The following CA13 variants were observed in gnomAD, a reference collection of about 807,000 sequenced individuals.
The protein encoded by CA13 is CA-XIII.
CA13 carries 21 observed loss-of-function variants against 31.5 expected under a neutral mutation model. The ratio of observed to expected loss-of-function variants is 0.67; its 90% confidence interval spans 0.47 to 0.96. The LOEUF is 0.96. CA13 is among the 40% of genes least tolerant of loss of function. CA13 has a pLI of 0.00. For missense variants in CA13, 315 were observed against 318.9 expected (o/e 0.99, Z 0.09); for synonymous variants, 117 against 111.4 (o/e 1.05, Z -0.32).
chr8:85,282,761 C>T lies in CA13; in HGVS notation c.*1412C>T, dbSNP rs1289546539. 1 of 151,948 alleles carries T rather than the reference C, an allele frequency of 6.6e-6. No individual in the cohort carries two copies. Among genetic ancestry groups the T allele is most frequent in the Non-Finnish European group, 1.5e-5 (1 of 67,996 alleles). The allele number at this position is 151,948 out of a possible 1,614,324, so 9.4% of individuals were successfully genotyped here. On this transcript the variant is annotated 3_prime_UTR_variant, in exon 7 of 7. Transcript: ENST00000321764. ...GGATAAGAGTGGTGTTTCTTTTGCCCTTTCTGGTACAAACAGAGGGACACT... is the reference window on the plus strand; with the variant it reads ...GGATAAGAGTGGTGTTTCTTTTGCCTTTTCTGGTACAAACAGAGGGACACT...
At chr8:85,261,437 T>A (rs528698232) in intron 3 of CA13, among the ~76,000 whole-genome samples, 35 of 152,308 alleles carry the variant, frequency 2.3e-4, no homozygotes, top group Admixed American at 7.2e-4. Context: ...TTATTTATTT[T>A]TTTTTTGAGA....
chr8:85,270,838 G>T (rs1269043884), intron 6 of CA13, among the ~76,000 whole-genome samples: 1 of 152,102 alleles, frequency 6.6e-6, no homozygotes, highest in Non-Finnish European at 1.5e-5. Flanking sequence ...ATATCTACCT[G>T]CAAGTTTAGG....
intron 6 of CA13, among the ~76,000 whole-genome samples, chr8:85,276,795 G>T (rs112206933): frequency 6.8e-6 from 1 of 147,972 alleles, no homozygotes; most frequent in African/African-American, 2.7e-5. Flanking sequence ...TGCACCAGTC[G>T]ACACTCTGTA....
At position 85,281,364 on chromosome 8, in the gene CA13, G is replaced by A; in HGVS notation, c.*15G>A. On this transcript the variant is annotated 3_prime_UTR_variant, in exon 7 of 7. Transcript: ENST00000321764. The stretch of plus-strand genomic sequence containing the variant: ...CTTTCCATTAAAAATTGTCACCAAT[G>A]AACTCCCCCAAACATGGCTGTGGAG... 1 of 1,613,192 alleles carries A rather than the reference G, an allele frequency of 6.2e-7. No individual in the cohort carries two copies. Among genetic ancestry groups the A allele is most frequent in the Non-Finnish European group, 8.5e-7 (1 of 1,179,512 alleles).
chr8:85,265,680 A>G (rs1290726801), intron 3 of CA13, among the ~76,000 whole-genome samples: 1 of 152,240 alleles, frequency 6.6e-6, no homozygotes, highest in Non-Finnish European at 1.5e-5. Context: ...AAATGTATCA[A>G]AATGATAAGC....
At chr8:85,247,279 T>C (rs1813749212) in intron 1 of CA13, among the ~76,000 whole-genome samples, 2 of 152,140 alleles carry the variant, frequency 1.3e-5, no homozygotes, top group South Asian at 2.1e-4. Context: ...AGAAGAAGGG[T>C]ATTTCAATCA....
At chr8:85,261,375 T>A (rs1043702664) in intron 3 of CA13, among the ~76,000 whole-genome samples, 1 of 152,140 alleles carries the variant, frequency 6.6e-6, no homozygotes, top group African/African-American at 2.4e-5. Flanking sequence ...TTGGAATTTT[T>A]AAGTATATTT....
At chr8:85,246,001 C>CACT in intron 1 of CA13, 136 bp downstream of exon 1, 1 of 952,404 alleles carries the variant, frequency 1.0e-6, no homozygotes, top group Non-Finnish European at 1.7e-6. Flanking sequence ...AACTAAGCAG[C>CACT]ACTCCTGGGA....
intron 2 of CA13, among the ~76,000 whole-genome samples, chr8:85,257,395 C>T (rs1465349921): frequency 5.3e-5 from 8 of 152,164 alleles, no homozygotes; most frequent in Admixed American, 5.2e-4. Context: ...AGGAAAATGG[C>T]CAGGGTTAGC....
In CA13 at chr8:85,283,443, T is replaced by C. The variant is rs553301472; in HGVS notation, c.*2094T>C. Reference sequence around the variant, plus strand: ...TTAATGAATTGAATATTTAAAAAATTTTTTATTTGCTGTCTTTGGTAATTA... The same window carrying C: ...TTAATGAATTGAATATTTAAAAAATCTTTTATTTGCTGTCTTTGGTAATTA... On this transcript the variant is annotated 3_prime_UTR_variant, in exon 7 of 7. Coordinates refer to ENST00000321764, the MANE Select transcript of CA13 (RefSeq NM_198584.3). 1.4e-4 allele frequency: 21 copies of C among 152,572 alleles called. No homozygotes were observed. In the South Asian group the frequency reaches 4.4e-3, roughly 32 times the overall value. The allele number at this position is 152,572 out of a possible 1,614,324, so 9.5% of individuals were successfully genotyped here.
intron 6 of CA13, among the ~76,000 whole-genome samples, chr8:85,275,715 A>C (rs1807592574): frequency 6.6e-6 from 1 of 152,200 alleles, no homozygotes; most frequent in Admixed American, 6.5e-5. Flanking sequence ...CTTTTGGACA[A>C]ATAGTCCCAT....
intron 1 of CA13, among the ~76,000 whole-genome samples, chr8:85,248,139 G>C (rs1296946266): frequency 6.6e-6 from 1 of 152,092 alleles, no homozygotes; most frequent in African/African-American, 2.4e-5. Flanking sequence ...TAAATCAGTT[G>C]AGCAACCACC....
chr8:85,280,407 T>C (rs1289556595), intron 6 of CA13, among the ~76,000 whole-genome samples: 1 of 152,146 alleles, frequency 6.6e-6, no homozygotes, highest in Admixed American at 6.5e-5. Context: ...AAAGGACCTC[T>C]CTCTCCTCTG....
Position 85,266,715 on chromosome 8 carries a change from CT to C in CA13, c.450+13del, listed in dbSNP as rs1807462835. On this transcript the variant is annotated intron_variant, in intron 4 of 6. Coordinates refer to ENST00000321764, the MANE Select transcript of CA13 (RefSeq NM_198584.3). ...GAGTGTTTTTACAGGTGAGAATCTACTGTTTTCATTTTAAATGATCAGCCTT... is the reference window on the plus strand; with the variant it reads ...GAGTGTTTTTACAGGTGAGAATCTACGTTTTCATTTTAAATGATCAGCCTT... 1 of 1,597,212 alleles carries C rather than the reference CT, an allele frequency of 6.3e-7. No individual in the cohort carries two copies. Among genetic ancestry groups the C allele is most frequent in the South Asian group, 1.1e-5 (1 of 90,276 alleles).
rs1343300979 is a variant in CA13, at chr8:85,281,333, G to C, written c.773G>C (p.Arg258Thr). The change falls in exon 7 of 7, where the codon AGA becomes ACA. Residue 258 changes from arginine (R) to threonine (T), a missense_variant. By Grantham distance (71) the Arg-to-Thr change is moderately conservative. Transcript: ENST00000321764. ...CAGCCTCTAAAGGGCCGCAAAGTGA[G>C]AGCCTCTTTCCATTAAAAATTGTCA... is the stretch of plus-strand genomic sequence containing the variant. ...PPQPLKGRKV[R>T]ASFH 1.9e-6 allele frequency: 3 copies of C among 1,613,814 alleles called. No individual in the cohort carries two copies. Among genetic ancestry groups the C allele is most frequent in the African/African-American group, 2.7e-5 (2 of 74,892 alleles).
In CA13 at chr8:85,278,550, G is replaced by A. The variant is rs534502867; in HGVS notation, c.670-2680G>A. Among the ~76,000 whole-genome samples the A allele has an allele frequency of 3.3e-5, 5 of 152,298 alleles. No homozygotes were observed. The South Asian group carries it at 1.0e-3, about 32-fold the overall frequency. ...CCTACCAAAATGTTAGAAATGTGAT[G>A]TATTATAGGGATGTATTTGGAAATG... On this transcript the variant is annotated intron_variant, in intron 6 of 6. Transcript: ENST00000321764.
At chr8:85,262,684 A>G (rs1009176221) in intron 3 of CA13, among the ~76,000 whole-genome samples, 2 of 152,300 alleles carry the variant, frequency 1.3e-5, no homozygotes, top group East Asian at 1.9e-4. Flanking sequence ...TAATTCAACT[A>G]CTGTTTGAGA....
At chr8:85,257,713 A>AC (rs1807320063) in intron 2 of CA13, among the ~76,000 whole-genome samples, 1 of 150,670 alleles carries the variant, frequency 6.6e-6, no homozygotes, top group African/African-American at 2.4e-5. Flanking sequence ...CTCAAAAAAA[A>AC]AAAACAAAAA....
At chr8:85,279,812 A>G (rs1416394716) in intron 6 of CA13, among the ~76,000 whole-genome samples, 1 of 152,132 alleles carries the variant, frequency 6.6e-6, no homozygotes, top group African/African-American at 2.4e-5. Context: ...AAGGCTAGGT[A>G]TCTTTCCTAT....
Sources: gnomAD v4.1 joint callset for allele counts (sites outside exome capture counted in the v4.1 genomes callset) on GRCh38, gnomAD v4.1.1 for gene constraint, MANE v1.5 for transcripts, NCBI Gene and HGNC (gene_info 2026-07-23, HGNC 2026-07-21) for gene names.